FAAH2: variants seen among roughly 807,000 people sequenced by gnomAD.
The protein encoded by FAAH2 is fatty-acid amide hydrolase 2.
FAAH2 carries 60 observed loss-of-function variants against 36.9 expected under a neutral mutation model. The observed-to-expected ratio is 1.63, with a 90% CI of 1.32 to 2.02. The LOEUF (loss-of-function observed/expected upper bound fraction) is 2.02. FAAH2 is among the 30% of genes most tolerant of loss of function. The pLI, the probability that FAAH2 is intolerant of heterozygous loss-of-function variation, is 0.00. For synonymous variants in FAAH2, 214 were observed against 143.8 expected (o/e 1.49, Z -3.49); for missense variants, 689 against 397.5 (o/e 1.73, Z -6.23).
chrX:57,339,286 C>A (rs1344234168), intron 4 of FAAH2, among the ~76,000 whole-genome samples: 5 of 112,096 alleles, frequency 4.5e-5, no homozygotes, highest in African/African-American at 6.5e-5. Context: ...AAGACTTAAA[C>A]CTAAAACACA....
At chrX:57,419,699 C>T (rs2055954136) in intron 7 of FAAH2, among the ~76,000 whole-genome samples, 2 of 111,861 alleles carry the variant, frequency 1.8e-5, no homozygotes, top group East Asian at 2.8e-4. Flanking sequence ...GTTTCTTTTG[C>T]TGTGCAGAAG....
At chrX:57,310,751 C>T in intron 3 of FAAH2, 22 bp downstream of exon 3, 1 of 1,173,214 alleles carries the variant, frequency 8.5e-7, no homozygotes, top group Non-Finnish European at 1.1e-6. Context: ...TTATTTTTGG[C>T]TACATGAGTT....
chrX:57,488,087 T>C (rs991538351), intron 10 of FAAH2, among the ~76,000 whole-genome samples: 3 of 111,862 alleles, frequency 2.7e-5, no homozygotes, highest in African/African-American at 9.7e-5. Context: ...TGGATAAAAA[T>C]TTAATTACTG....
chrX:57,265,141 C>T, the FAAH2 span, among the ~76,000 whole-genome samples: 7 of 111,331 alleles, frequency 6.3e-5, no homozygotes, highest in African/African-American at 2.3e-4. Flanking sequence ...ACCCACTCCA[C>T]GTGGGCCTTC....
At chrX:57,401,272 C>A (rs141819969) in intron 7 of FAAH2, among the ~76,000 whole-genome samples, 3 of 111,581 alleles carry the variant, frequency 2.7e-5, no homozygotes, top group Non-Finnish European at 5.6e-5. Flanking sequence ...TGGGCTAGTG[C>A]CTGGCCAAAT....
the FAAH2 span, among the ~76,000 whole-genome samples, chrX:57,269,115 C>G: frequency 1.8e-5 from 2 of 111,096 alleles, no homozygotes; most frequent in Admixed American, 9.6e-5. Context: ...TGACAAGCAT[C>G]AAAAAGGACA....
chrX:57,139,945 T>C, the FAAH2 span, among the ~76,000 whole-genome samples: 1 of 112,246 alleles, frequency 8.9e-6, no homozygotes, highest in African/African-American at 3.2e-5. Flanking sequence ...TGTAGATAAC[T>C]TGGAGTAGTA....
intron 7 of FAAH2, among the ~76,000 whole-genome samples, chrX:57,419,979 C>T (rs1032795950): frequency 9.0e-6 from 1 of 111,388 alleles, no homozygotes; most frequent in South Asian, 3.7e-4. Context: ...ATAGAGAATC[C>T]TTTCCCCATT....
At chrX:57,249,495 A>C in the FAAH2 span, among the ~76,000 whole-genome samples, 95 of 112,388 alleles carry the variant, frequency 8.5e-4, no homozygotes, top group African/African-American at 3.0e-3. Flanking sequence ...GATTAGATTG[A>C]GTGAAACACT....
At chrX:57,255,601 G>T in the FAAH2 span, among the ~76,000 whole-genome samples, 1 of 111,728 alleles carries the variant, frequency 9.0e-6, no homozygotes, top group Non-Finnish European at 1.9e-5. Flanking sequence ...TTCATTCCTG[G>T]GATGCAAGGT....
the FAAH2 span, among the ~76,000 whole-genome samples, chrX:57,148,204 C>T: frequency 6.3e-5 from 7 of 111,428 alleles, no homozygotes; most frequent in Non-Finnish European, 9.4e-5. Flanking sequence ...ATGATGCCTC[C>T]GGCTTTGTTC....
Position 57,470,806 on chromosome X carries a change from A to T in FAAH2, c.1424-17951A>T, listed in dbSNP as rs191198082. ...AGAGACACAACCAAAAAAGAATTTT[A>T]GACCAATATCCCTGATGAACATTGA... On this transcript the variant is annotated intron_variant, in intron 10 of 10. Coordinates refer to ENST00000374900, the MANE Select transcript of FAAH2 (RefSeq NM_174912.4). Among the ~76,000 whole-genome samples the T allele has an allele frequency of 1.6e-4, 18 of 111,632 alleles. No homozygotes were observed. In the East Asian group the frequency reaches 5.1e-3, roughly 32 times the overall value.
intron 3 of FAAH2, among the ~76,000 whole-genome samples, chrX:57,331,076 T>A (rs1399575146): frequency 1.8e-5 from 2 of 110,919 alleles, no homozygotes; most frequent in Non-Finnish European, 3.8e-5. Flanking sequence ...AGGGCTTAAG[T>A]CTCCTGTGGG....
intron 4 of FAAH2, among the ~76,000 whole-genome samples, chrX:57,332,230 C>G (rs982881599): frequency 7.1e-5 from 8 of 112,180 alleles, no homozygotes; most frequent in African/African-American, 2.3e-4. Flanking sequence ...TAATATATGA[C>G]CTTGGTCACA....
chrX:57,367,158 GT>G (rs754516920), intron 5 of FAAH2, among the ~76,000 whole-genome samples: 17 of 112,869 alleles, frequency 1.5e-4, no homozygotes, highest in Admixed American at 3.7e-4. Context: ...GCATATATAA[GT>G]GATAACGTAT....
chrX:57,354,933 G>A (rs2054122174), intron 5 of FAAH2, among the ~76,000 whole-genome samples: 1 of 110,549 alleles, frequency 9.0e-6, no homozygotes, highest in Admixed American at 9.7e-5. Context: ...CACAGCAAAA[G>A]GACTGAACAG....
intron 10 of FAAH2, 34 bp downstream of exon 10, chrX:57,448,752 T>A (rs2056731302): frequency 8.8e-7 from 1 of 1,136,903 alleles, no homozygotes; most frequent in Admixed American, 2.5e-5. Context: ...TCTGTAATCT[T>A]AAAGAAATAG....
chrX:57,301,142 G>A (rs1258514335), intron 2 of FAAH2, among the ~76,000 whole-genome samples: 2 of 108,769 alleles, frequency 1.8e-5, no homozygotes, highest in Admixed American at 2.0e-4. Context: ...AAATCATGCT[G>A]CTATAAAGAC....
the FAAH2 span, among the ~76,000 whole-genome samples, chrX:57,275,049 C>G: frequency 8.9e-6 from 1 of 112,127 alleles, no homozygotes; most frequent in Non-Finnish European, 1.9e-5. Flanking sequence ...TAAGCAACTT[C>G]AGCAAAGTCT....
Sources: allele counts gnomAD v4.1 joint callset (sites outside exome capture counted in the v4.1 genomes callset), GRCh38; gene constraint gnomAD v4.1.1; transcripts MANE v1.5; gene names NCBI Gene and HGNC (gene_info 2026-07-23, HGNC 2026-07-21).